DNAI3: variants seen among roughly 807,000 people sequenced by gnomAD.
DNAI3 encodes the protein WD repeat domain 63.
Under a neutral mutation model 115.5 loss-of-function variants are expected in DNAI3, and 83 were observed. The ratio of observed to expected loss-of-function variants is 0.72; its 90% CI spans 0.60 to 0.86. The LOEUF is 0.86. DNAI3 is among the 40% of genes least tolerant of loss of function. The probability of loss-of-function intolerance (pLI) is 0.00; values close to 1 mark genes in which losing one functional copy is unlikely to be tolerated. For missense variants in DNAI3, 1,004 were observed against 1,075.8 expected, an observed-to-expected ratio of 0.93 and a Z score of 0.93; for synonymous variants, 320 against 347.0, an observed-to-expected ratio of 0.92 and a Z score of 0.86.
At chr1:85,093,024 G>A (rs1183822735) in intron 8 of DNAI3, among the ~76,000 whole-genome samples, 1 of 152,208 alleles carries the variant, frequency 6.6e-6, no homozygotes, top group Non-Finnish European at 1.5e-5. Context: ...GACGTTTACT[G>A]AGGATTACAC....
intron 3 of DNAI3, among the ~76,000 whole-genome samples, chr1:85,074,744 G>A (rs939175951): frequency 6.6e-6 from 1 of 152,192 alleles, no homozygotes; most frequent in Admixed American, 6.5e-5. Context: ...GAAACACAGG[G>A]TTAGGTTCCT....
rs1406679346 is a variant in DNAI3, at chr1:85,132,901, T to C, written c.2579T>C (p.Met860Thr). ...SKEQMQAELKMDYESYLELEK... is the reference protein window; with the variant it reads ...SKEQMQAELKTDYESYLELEK... ...GAACAAATGCAGGCTGAATTAAAAATGGACTATGAGAGTTATCTGGAACTG... is the reference window on the plus strand; with the variant it reads ...GAACAAATGCAGGCTGAATTAAAAACGGACTATGAGAGTTATCTGGAACTG... Residue 860 changes from methionine (M) to threonine (T), a missense_variant, in exon 23 of 23, where the codon ATG (methionine) becomes ACG (threonine). Around this residue, in one of 3 missense-constraint regions of DNAI3, gnomAD observed 429 missense variants for 454.3 expected, o/e 0.94. Coordinates refer to ENST00000294664, the MANE Select transcript of DNAI3 (RefSeq NM_145172.5). The C allele has an allele frequency of 6.2e-7, 1 of 1,613,846 alleles. No individual in the cohort carries two copies. Among genetic ancestry groups the C allele is most frequent in the Non-Finnish European group, 8.5e-7 (1 of 1,179,928 alleles).
intron 7 of DNAI3, among the ~76,000 whole-genome samples, chr1:85,088,988 T>A (rs564708840): frequency 2.0e-5 from 3 of 152,212 alleles, no homozygotes; most frequent in Admixed American, 1.3e-4. Context: ...GGAAAAAAAA[T>A]GAATTATTCT....
chr1:85,105,222 C>T (rs1389743920), intron 14 of DNAI3, among the ~76,000 whole-genome samples: 2 of 151,998 alleles, frequency 1.3e-5, no homozygotes, highest in African/African-American at 4.8e-5. Context: ...GAAGAAGGCA[C>T]AAGTGATGTT....
intron 17 of DNAI3, among the ~76,000 whole-genome samples, chr1:85,119,004 A>G (rs1655911547): frequency 6.6e-6 from 1 of 152,172 alleles, no homozygotes; most frequent in African/African-American, 2.4e-5. Flanking sequence ...GGAATCCAAT[A>G]CTGAAGAGCC....
At chr1:85,108,275 G>A in intron 15 of DNAI3, 98 bp downstream of exon 15, 2 of 1,287,678 alleles carry the variant, frequency 1.6e-6, no homozygotes, top group South Asian at 4.3e-5. Flanking sequence ...TAAAAGTAGA[G>A]CAGCTCAGAT....
chr1:85,130,041 G>T lies in DNAI3; in HGVS notation c.2461G>T (p.Val821Leu), dbSNP rs375093146. 4 of 1,613,650 alleles carry T rather than the reference G, an allele frequency of 2.5e-6. No homozygotes were observed. The East Asian group carries it at 8.9e-5, about 36-fold the overall frequency. ...FEREVKHLEY[V>L]EQRKKIREQE... is the part of the protein sequence containing the mutation. ...AAGAGAAGTCAAGCATCTGGAATAC[G>T]TAGAACAGCGCAAAAAAATTCGTGA... Residue 821 changes from valine (V) to leucine (L), a missense_variant, in exon 22 of 23, where the codon GTA becomes TTA. Transcript: ENST00000294664.
intron 2 of DNAI3, among the ~76,000 whole-genome samples, chr1:85,072,512 C>G (rs1471806599): frequency 2.7e-5 from 4 of 150,880 alleles, no homozygotes; most frequent in Non-Finnish European, 5.9e-5. Flanking sequence ...CGTGGTGGCA[C>G]GCGCCTGTAA....
chr1:85,095,010 T>G (rs1372384892), intron 10 of DNAI3, among the ~76,000 whole-genome samples: 1 of 152,148 alleles, frequency 6.6e-6, no homozygotes, highest in South Asian at 2.1e-4. Flanking sequence ...TGTTGCCAGG[T>G]GGTCCCATTG....
At chr1:85,092,501 A>AGG (rs1655007861) in intron 8 of DNAI3, among the ~76,000 whole-genome samples, 2 of 152,120 alleles carry the variant, frequency 1.3e-5, no homozygotes, top group African/African-American at 4.8e-5. Flanking sequence ...CTTGGGTGGC[A>AGG]TTCTAATTGT....
intron 1 of DNAI3, among the ~76,000 whole-genome samples, chr1:85,065,502 G>C (rs940414018): frequency 2.6e-5 from 4 of 152,216 alleles, no homozygotes; most frequent in African/African-American, 9.6e-5. Context: ...CAGAATCAGT[G>C]ACAAGGGTGG....
chr1:85,101,528 T>C (rs889431488), intron 13 of DNAI3, among the ~76,000 whole-genome samples: 4 of 151,842 alleles, frequency 2.6e-5, no homozygotes, highest in Non-Finnish European at 5.9e-5. Context: ...ATGGAGACCA[T>C]CCTGGCTAAC....
chr1:85,099,531 C>T (rs544450021), intron 13 of DNAI3, among the ~76,000 whole-genome samples: 1,735 of 152,134 alleles, frequency 0.011, 19 homozygotes, highest in African/African-American at 0.026. Flanking sequence ...GAATCAATAT[C>T]GTGAAAATGG....
At chr1:85,081,569 A>T (rs1214679505) in intron 4 of DNAI3, among the ~76,000 whole-genome samples, 154 bp downstream of exon 4, 1 of 152,154 alleles carries the variant, frequency 6.6e-6, no homozygotes, top group Non-Finnish European at 1.5e-5. Context: ...CTGTTTGATG[A>T]TCCTCTGTGA....
rs371964033 is a variant in DNAI3, at chr1:85,114,144, C to A, written c.1787-3585C>A. On this transcript the variant is annotated intron_variant, in intron 16 of 22. Transcript: ENST00000294664. ...TCTCCTGCCTCAGCCTCCCGAGTAG[C>A]TGGGACCACAGGCATGTACCACCAC... Among the ~76,000 whole-genome samples the A allele has an allele frequency of 5.3e-5, 8 of 151,780 alleles. No homozygotes were observed. In the East Asian group the frequency reaches 1.4e-3, roughly 26 times the overall value.
rs532363215 is a variant in DNAI3, at chr1:85,131,460, A to T, written c.2532+1348A>T. On this transcript the variant is annotated intron_variant, in intron 22 of 22. Coordinates refer to ENST00000294664, the MANE Select transcript of DNAI3 (RefSeq NM_145172.5). The stretch of plus-strand genomic sequence containing the variant: ...ACTCCATCTCAAAAAAAAAAAAAAA[A>T]AAATAAAGCATTAGCATGTGGAAAT... Among the ~76,000 whole-genome samples, 57 of 147,882 alleles carry T rather than the reference A, an allele frequency of 3.9e-4. 1 individual carries two copies. The highest frequency in any genetic ancestry group is 2.8e-3 in the South Asian group (13 of 4,620).
chr1:85,066,760 AC>A (rs1654113172), intron 1 of DNAI3, among the ~76,000 whole-genome samples: 1 of 152,232 alleles, frequency 6.6e-6, no homozygotes, highest in Non-Finnish European at 1.5e-5. Flanking sequence ...TTAATATGCA[AC>A]TTAATAGAAA....
At chr1:85,095,299 A>T (rs951457732) in intron 10 of DNAI3, among the ~76,000 whole-genome samples, 2 of 152,216 alleles carry the variant, frequency 1.3e-5, no homozygotes, top group African/African-American at 4.8e-5. Context: ...AAAAGTATTC[A>T]TAATTAAGAC....
rs537551682 is a variant in DNAI3 at position 85,078,088 on chromosome 1, C to T, written c.104-3146C>T. Among the ~76,000 whole-genome samples, 63 of 152,222 alleles carry T rather than the reference C, an allele frequency of 4.1e-4. No individual in the cohort carries two copies. In the Middle Eastern group the frequency reaches 0.01, roughly 25 times the overall value. On this transcript the variant is annotated intron_variant, in intron 3 of 22. Coordinates refer to ENST00000294664, the MANE Select transcript of DNAI3 (RefSeq NM_145172.5). Reference sequence around the variant, plus strand: ...CTGCCATTCACTGGATCCTATGGAACATCATCTCTGTTCCCTCCTTGTCTA... The same window carrying T: ...CTGCCATTCACTGGATCCTATGGAATATCATCTCTGTTCCCTCCTTGTCTA...
Sources: allele counts gnomAD v4.1 joint callset (sites outside exome capture counted in the v4.1 genomes callset), GRCh38; gene constraint gnomAD v4.1.1; regional missense constraint gnomAD v4.1.1; transcripts MANE v1.5; gene names NCBI Gene and HGNC (gene_info 2026-07-23, HGNC 2026-07-21).